ZNF83: variants seen among roughly 807,000 people sequenced by gnomAD.
ZNF83 encodes zinc finger protein 816B.
For synonymous variants in ZNF83, 209 were observed against 213.0 expected (o/e 0.98, Z 0.17); for missense variants, 552 against 629.9 (o/e 0.88, Z 1.32).
At chr19:52,628,187 G>A (rs528789232) in intron 2 of ZNF83, among the ~76,000 whole-genome samples, 64 of 152,190 alleles carry the variant, frequency 4.2e-4, no homozygotes, top group Non-Finnish European at 7.6e-4. Flanking sequence ...ACACGGACAC[G>A]CATGAAATTT....
In ZNF83 at chr19:52,623,841, G is replaced by T. The variant is rs569241054; in HGVS notation, c.-233-9044C>A. On this transcript the variant is annotated intron_variant, in intron 2 of 2. Coordinates refer to ENST00000301096, the Ensembl canonical transcript of ZNF83. ...CCCCCATTTTAAGTGTCCAAAAGCT[G>T]GACGAGTCTTACAGGTTGGTTCAGG... Among the ~76,000 whole-genome samples the T allele has an allele frequency of 1.0e-3, 159 of 152,272 alleles. 1 individual carries two copies. Among genetic ancestry groups the T allele is most frequent in the African/African-American group, 3.6e-3 (150 of 41,546 alleles).
chr19:52,645,808 C>CA (rs988704325), intron 3 of ZNF83, among the ~76,000 whole-genome samples: 4 of 149,136 alleles, frequency 2.7e-5, no homozygotes, highest in East Asian at 2.0e-4. Flanking sequence ...TTCTGCCCCC[C>CA]CCCAAAAAAA....
At chr19:52,623,267 C>T (rs1439113545) in intron 2 of ZNF83, among the ~76,000 whole-genome samples, 14 of 152,160 alleles carry the variant, frequency 9.2e-5, no homozygotes, top group Non-Finnish European at 1.8e-4. Flanking sequence ...ATCAGGGATG[C>T]TGAGCTTTGG....
At chr19:52,677,306 TAAAAAAAAAAAAA>T (rs67835464) in intron 1 of ZNF83, among the ~76,000 whole-genome samples, 1 of 106,464 alleles carries the variant, frequency 9.4e-6, no homozygotes, top group African/African-American at 3.2e-5. Context: ...AATTGAGAAG[TAAAAAAAAAAAAA>T]AAAAAAAAAA....
intron 3 of ZNF83, chr19:52,652,945 T>C (rs764345858): frequency 1.2e-5 from 15 of 1,231,520 alleles, no homozygotes; most frequent in Non-Finnish European, 1.8e-5. Flanking sequence ...GGATGACATA[T>C]GACTGAAGGT....
At chr19:52,645,545 G>A (rs996355090) in intron 3 of ZNF83, among the ~76,000 whole-genome samples, 6 of 152,098 alleles carry the variant, frequency 3.9e-5, no homozygotes, top group Non-Finnish European at 7.4e-5. Context: ...AGATGCTCAC[G>A]CCTGTAATCC....
intron 3 of ZNF83, chr19:52,655,385 A>G (rs1974644894): frequency 1.6e-6 from 1 of 637,464 alleles, no homozygotes; most frequent in East Asian, 2.8e-5. Context: ...AAACCACTCC[A>G]TAGGATAGTC....
chr19:52,630,256 G>A (rs939627422), intron 2 of ZNF83, among the ~76,000 whole-genome samples: 1 of 152,204 alleles, frequency 6.6e-6, no homozygotes. Context: ...GACTGACACT[G>A]CCCGATCGCC....
intron 3 of ZNF83, among the ~76,000 whole-genome samples, chr19:52,645,283 A>G (rs1041504297): frequency 3.3e-5 from 5 of 152,196 alleles, no homozygotes; most frequent in African/African-American, 9.7e-5. Flanking sequence ...TAGGTACCAA[A>G]GGTTTCCAAT....
chr19:52,626,343 T>G (rs2060736364), intron 2 of ZNF83, among the ~76,000 whole-genome samples: 1 of 152,240 alleles, frequency 6.6e-6, no homozygotes, highest in African/African-American at 2.4e-5. Flanking sequence ...AGGCCTGGAC[T>G]TACTCACTGC....
chr19:52,682,440 A>G (rs903982909), intron 1 of ZNF83, among the ~76,000 whole-genome samples: 35 of 152,188 alleles, frequency 2.3e-4, no homozygotes, highest in African/African-American at 8.4e-4. Context: ...TGGGAGGCTG[A>G]GGTGGGCAGA....
chr19:52,626,963 G>T (rs576378695), intron 2 of ZNF83, among the ~76,000 whole-genome samples: 11 of 152,278 alleles, frequency 7.2e-5, no homozygotes, highest in South Asian at 6.2e-4. Flanking sequence ...AAGTACAAAA[G>T]AAGTGAAACA....
chr19:52,634,713 C>A (rs1600202420), intron 2 of ZNF83, among the ~76,000 whole-genome samples: 2 of 152,180 alleles, frequency 1.3e-5, no homozygotes, highest in African/African-American at 4.8e-5. Flanking sequence ...CCATTGGCAG[C>A]TGCTCTAATC....
intron 1 of ZNF83, chr19:52,674,342 T>C (rs1291562138): frequency 2.0e-5 from 3 of 152,128 alleles, no homozygotes; most frequent in Admixed American, 1.3e-4. Context: ...TCAGGAAAAA[T>C]TGAATGCTTT....
Position 52,643,457 on chromosome 19 carries a change from G to C in ZNF83, c.-73-8304C>G, listed in dbSNP as rs1439798891. Among the ~76,000 whole-genome samples, 4 of 55,330 alleles carry C rather than the reference G, an allele frequency of 7.2e-5. No individual in the cohort carries two copies. In the South Asian group the frequency reaches 2.2e-3, roughly 30 times the overall value. 36.3% of individuals were successfully genotyped at this position (55,330 alleles called of 152,430 possible). On this transcript the variant is annotated intron_variant, in intron 3 of 5. Transcript: ENST00000594682. ...TGGCTCACTCCTGTAATCCTAGCAC[G>C]TTGGGAGGCTGAGGTGGGTGGATCA...
intron 3 of ZNF83, chr19:52,650,556 C>T (rs1189524468): frequency 1.3e-5 from 2 of 152,058 alleles, no homozygotes; most frequent in African/African-American, 4.8e-5. Flanking sequence ...GGCACCCAGC[C>T]GAACTTATTA....
chr19:52,630,948 C>A (rs12610788), intron 2 of ZNF83, among the ~76,000 whole-genome samples: 1 of 148,142 alleles, frequency 6.8e-6, no homozygotes, highest in South Asian at 2.2e-4. Context: ...CCTATCCACC[C>A]CATGGTGCCA....
upstream of ZNF83, among the ~76,000 whole-genome samples, chr19:52,642,673 C>T (rs2061323776): frequency 6.6e-6 from 1 of 152,114 alleles, no homozygotes; most frequent in Admixed American, 6.6e-5. Context: ...AAGGCTTTGA[C>T]ACACTGATAT....
intron 1 of ZNF83, among the ~76,000 whole-genome samples, chr19:52,682,000 A>G (rs2061930083): frequency 1.3e-5 from 2 of 152,096 alleles, no homozygotes; most frequent in South Asian, 4.1e-4. Context: ...GGCACCTGCC[A>G]CCACACCCAG....
Sources: allele counts gnomAD v4.1 joint callset (sites outside exome capture counted in the v4.1 genomes callset), GRCh38; gene constraint gnomAD v4.1.1; transcripts MANE v1.5; gene names NCBI Gene and HGNC (gene_info 2026-07-23, HGNC 2026-07-21).